The following STK32B variants were observed in gnomAD, a reference collection of about 807,000 sequenced individuals.
STK32B encodes the protein serine/threonine-protein kinase 32B.
In STK32B, 43 loss-of-function variants were observed where a neutral mutation model predicts 52.6. That is an observed-to-expected ratio of 0.82 (90% CI 0.64 to 1.05). The LOEUF is 1.05. Among genes scored for constraint, STK32B ranks in the 50% least tolerant of loss-of-function variants. The pLI, the probability that STK32B is intolerant of heterozygous loss-of-function variation, is 0.00. For synonymous variants in STK32B, 238 were observed against 204.3 expected, an observed-to-expected ratio of 1.17 and a Z score of -1.41; for missense variants, 621 against 534.6, an observed-to-expected ratio of 1.16 and a Z score of -1.59.
intron 3 of STK32B, among the ~76,000 whole-genome samples, chr4:5,261,061 C>T (rs1409915741): frequency 6.6e-6 from 1 of 152,118 alleles, no homozygotes; most frequent in African/African-American, 2.4e-5. Flanking sequence ...TTAGTGGAGA[C>T]AACTCCAAAC....
the STK32B span, among the ~76,000 whole-genome samples, chr4:5,022,712 T>C: frequency 2.6e-5 from 4 of 152,198 alleles, no homozygotes; most frequent in African/African-American, 4.8e-5. Flanking sequence ...CTGAGGTAGA[T>C]ATCGGCCATT....
At chr4:5,308,727 T>G (rs1216101052) in intron 3 of STK32B, among the ~76,000 whole-genome samples, 1 of 152,130 alleles carries the variant, frequency 6.6e-6, no homozygotes, top group Non-Finnish European at 1.5e-5. Flanking sequence ...AATATTTGTT[T>G]AATAAATTAT....
At chr4:5,093,656 TGCATATGTAAC>T (rs768534514) in intron 1 of STK32B, among the ~76,000 whole-genome samples, 1 of 152,158 alleles carries the variant, frequency 6.6e-6, no homozygotes, top group Non-Finnish European at 1.5e-5. Flanking sequence ...GGCACATGTA[TGCATATGTAAC>T]TAACCTGCAC....
At chr4:5,135,471 T>C (rs1716016841) in intron 1 of STK32B, among the ~76,000 whole-genome samples, 3 of 152,242 alleles carry the variant, frequency 2.0e-5, no homozygotes, top group South Asian at 4.1e-4. Flanking sequence ...AGTTAGCATT[T>C]ACTAAGCCGC....
chr4:5,295,504 G>A (rs1227577717), intron 3 of STK32B, among the ~76,000 whole-genome samples: 1 of 152,088 alleles, frequency 6.6e-6, no homozygotes, highest in Admixed American at 6.6e-5. Context: ...TGTCTTGGGA[G>A]GGTGTGTGTG....
At position 5,256,138 on chromosome 4, in the gene STK32B, A is replaced by G. The variant is rs115403695; in HGVS notation, c.261-75082A>G. ...CTCATCAGACCTTCCCATCCATGTTAGAGATGCAGATACTGAGCCTAGAGA... is the reference window on the plus strand; with the variant it reads ...CTCATCAGACCTTCCCATCCATGTTGGAGATGCAGATACTGAGCCTAGAGA... On this transcript the variant is annotated intron_variant, in intron 3 of 11. Coordinates refer to ENST00000282908, the MANE Select transcript of STK32B (RefSeq NM_018401.3). 4.6e-3 allele frequency among the ~76,000 whole-genome samples: 693 copies of G among 152,208 alleles called. 6 individuals carry two copies. The highest frequency in any genetic ancestry group is 0.016 in the African/African-American group (657 of 41,506).
chr4:5,311,914 A>ATATATATTT (rs143725868), intron 3 of STK32B, among the ~76,000 whole-genome samples: 38 of 145,476 alleles, frequency 2.6e-4, no homozygotes, highest in Middle Eastern at 3.6e-3. Flanking sequence ...ATATATATAT[A>ATATATATTT]TTTTTTTTTA....
intron 11 of STK32B, among the ~76,000 whole-genome samples, chr4:5,481,207 A>T (rs1718673552): frequency 6.6e-6 from 1 of 152,152 alleles, no homozygotes; most frequent in Non-Finnish European, 1.5e-5. Context: ...CAACAGTGTA[A>T]AAGTGTTCCT....
Position 5,208,192 on chromosome 4 carries a change from G to A in STK32B, c.260+39742G>A, listed in dbSNP as rs191694002. Among the ~76,000 whole-genome samples the A allele has an allele frequency of 4.0e-3, 603 of 152,276 alleles. 4 individuals are homozygous for A. Among genetic ancestry groups the A allele is most frequent in the African/African-American group, 0.014 (572 of 41,556 alleles). On this transcript the variant is annotated intron_variant, in intron 3 of 11. Transcript: ENST00000282908. ...AGCCCTGACCATGTGAGGGCCTGAG[G>A]GAAAGGGAACTCAGCCCAGAAGTGG...
At chr4:5,200,578 A>T (rs73208969) in intron 3 of STK32B, among the ~76,000 whole-genome samples, 35,840 of 151,970 alleles carry the variant, frequency 0.24, 5,260 homozygotes, top group Non-Finnish European at 0.34. Flanking sequence ...TTATTAGTAT[A>T]TTGGCAAAAC....
In STK32B at chr4:5,448,698, G is replaced by A. The variant is rs541556860; in HGVS notation, c.666+1922G>A. ...CTATTTTCAAGGATGGTGCTTCTTG[G>A]AAGAGGAAGAAGCAAATGATGGGGG... On this transcript the variant is annotated intron_variant, in intron 7 of 11. Transcript: ENST00000282908. Among the ~76,000 whole-genome samples the A allele has an allele frequency of 3.3e-5, 5 of 152,262 alleles. No individual in the cohort carries two copies. In the South Asian group the frequency reaches 1.0e-3, roughly 32 times the overall value.
chr4:5,138,350 C>T (rs1268123602), intron 1 of STK32B, among the ~76,000 whole-genome samples: 5 of 152,142 alleles, frequency 3.3e-5, no homozygotes, highest in Non-Finnish European at 7.3e-5. Flanking sequence ...TCCTCACATC[C>T]TTGCTTCCAT....
chr4:5,300,156 A>C (rs1729463593), intron 3 of STK32B, among the ~76,000 whole-genome samples: 1 of 152,216 alleles, frequency 6.6e-6, no homozygotes. Flanking sequence ...GTGATTCATC[A>C]CATAAACAGA....
In STK32B at chr4:5,352,875, C is replaced by T. The variant is rs114672364; in HGVS notation, c.434+21482C>T. Among the ~76,000 whole-genome samples, 1,068 of 152,146 alleles carry T rather than the reference C, an allele frequency of 7.0e-3. 8 individuals carry two copies. The highest frequency in any genetic ancestry group is 0.025 in the African/African-American group (1,019 of 41,522). On this transcript the variant is annotated intron_variant, in intron 4 of 11. Transcript: ENST00000282908. ...ATTCACAGCAATCTCTATGAAAATA[C>T]CAACATCATTTTTCACAGGAATAGA...
chr4:5,066,901 G>A (rs891291142), intron 1 of STK32B, among the ~76,000 whole-genome samples: 2 of 152,096 alleles, frequency 1.3e-5, no homozygotes, highest in Non-Finnish European at 2.9e-5. Flanking sequence ...ATTCCTCCTA[G>A]AAGGTCCCTG....
At chr4:5,229,740 A>C (rs1013557901) in intron 3 of STK32B, among the ~76,000 whole-genome samples, 1 of 152,156 alleles carries the variant, frequency 6.6e-6, no homozygotes, top group Non-Finnish European at 1.5e-5. Context: ...ATTTTCTGGA[A>C]GTTATCTTGA....
intron 1 of STK32B, among the ~76,000 whole-genome samples, chr4:5,076,317 C>T (rs1379178954): frequency 6.6e-6 from 1 of 152,110 alleles, no homozygotes; most frequent in Non-Finnish European, 1.5e-5. Flanking sequence ...TGCATATTAT[C>T]CTAAGGAGGT....
chr4:5,308,526 G>A (rs991010303), intron 3 of STK32B, among the ~76,000 whole-genome samples: 23 of 152,152 alleles, frequency 1.5e-4, no homozygotes, highest in Non-Finnish European at 3.1e-4. Flanking sequence ...GAGTAAGTGT[G>A]TGGTATGTGT....
intron 1 of STK32B, among the ~76,000 whole-genome samples, chr4:5,061,008 G>T (rs931803027): frequency 6.6e-6 from 1 of 152,132 alleles, no homozygotes; most frequent in African/African-American, 2.4e-5. Flanking sequence ...TTTGTTGTTA[G>T]TGCTTCTTGA....
Sources: gnomAD v4.1 joint callset for allele counts (sites outside exome capture counted in the v4.1 genomes callset) on GRCh38, gnomAD v4.1.1 for gene constraint, MANE v1.5 for transcripts, NCBI Gene and HGNC (gene_info 2026-07-23, HGNC 2026-07-21) for gene names.